Variants in PPARGC1A observed in about 807,000 individuals in gnomAD.
PPARGC1A encodes the protein PPARG coactivator 1 alpha, also known as peroxisome proliferator-activated receptor gamma coactivator 1-alpha.
A neutral mutation model predicts 88.7 loss-of-function variants in PPARGC1A; 25 were observed. The observed-to-expected ratio is 0.28, with a 90% CI of 0.21 to 0.39. PPARGC1A has a LOEUF of 0.39. Among genes scored for constraint, PPARGC1A ranks in the 10% least tolerant of loss-of-function variants. The pLI is 1.00. For synonymous variants in PPARGC1A, 363 were observed against 355.6 expected, an observed-to-expected ratio of 1.02 and a Z score of -0.24; for missense variants, 880 against 968.7, an observed-to-expected ratio of 0.91 and a Z score of 1.22.
the PPARGC1A span, among the ~76,000 whole-genome samples, chr4:24,101,491 AGAAAT>A: frequency 6.6e-6 from 1 of 152,264 alleles, no homozygotes; most frequent in African/African-American, 2.4e-5. Context: ...CTCCACATGA[AGAAAT>A]GATAAATATT....
At chr4:24,280,039 C>A in the PPARGC1A span, among the ~76,000 whole-genome samples, 1 of 152,152 alleles carries the variant, frequency 6.6e-6, no homozygotes, top group East Asian at 1.9e-4. Context: ...AACAATGCCC[C>A]ACACATCCCG....
the PPARGC1A span, among the ~76,000 whole-genome samples, chr4:23,973,965 A>G: frequency 6.6e-6 from 1 of 151,844 alleles, no homozygotes; most frequent in Non-Finnish European, 1.5e-5. Flanking sequence ...AAAAAATAAA[A>G]AATAATTAAA....
the PPARGC1A span, among the ~76,000 whole-genome samples, chr4:24,252,734 C>T: frequency 6.6e-6 from 1 of 152,196 alleles, no homozygotes; most frequent in Non-Finnish European, 1.5e-5. Context: ...CCCTGGGCTT[C>T]CATAGAGAAC....
the PPARGC1A span, among the ~76,000 whole-genome samples, chr4:24,088,328 C>G: frequency 1.3e-5 from 2 of 151,528 alleles, no homozygotes; most frequent in African/African-American, 4.9e-5. Context: ...GCACTCCAGC[C>G]TGGGAGACAG....
the PPARGC1A span, among the ~76,000 whole-genome samples, chr4:23,958,719 A>G: frequency 6.6e-6 from 1 of 152,076 alleles, no homozygotes; most frequent in Middle Eastern, 3.2e-3. Context: ...ATTTATAGTA[A>G]AATTATCTCT....
chr4:24,361,659 G>GA, the PPARGC1A span, among the ~76,000 whole-genome samples: 2 of 152,148 alleles, frequency 1.3e-5, no homozygotes, highest in South Asian at 2.1e-4. Flanking sequence ...AACTCAACAG[G>GA]AAAAATCTAG....
chr4:24,442,519 T>A, the PPARGC1A span, among the ~76,000 whole-genome samples: 1 of 152,364 alleles, frequency 6.6e-6, no homozygotes, highest in East Asian at 1.9e-4. Context: ...CCTATGTTCA[T>A]AAATAACAGT....
At chr4:24,436,877 T>TGACAGCG in the PPARGC1A span, among the ~76,000 whole-genome samples, 6 of 93,356 alleles carry the variant, frequency 6.4e-5, no homozygotes, top group South Asian at 3.7e-4. Flanking sequence ...AGCTAATATC[T>TGACAGCG]ATTGGCCACC....
chr4:24,165,849 A>G, the PPARGC1A span, among the ~76,000 whole-genome samples: 1 of 152,166 alleles, frequency 6.6e-6, no homozygotes, highest in Admixed American at 6.6e-5. Context: ...TCCCTGAGAC[A>G]CACAATATTA....
At chr4:24,023,940 T>C in the PPARGC1A span, among the ~76,000 whole-genome samples, 1 of 152,224 alleles carries the variant, frequency 6.6e-6, no homozygotes, top group African/African-American at 2.4e-5. Context: ...AAAGCTTCTT[T>C]GAGGAACTCA....
chr4:24,142,500 C>T, the PPARGC1A span, among the ~76,000 whole-genome samples: 1 of 151,764 alleles, frequency 6.6e-6, no homozygotes, highest in African/African-American at 2.4e-5. Context: ...ATGGTGAAAC[C>T]CTGTCTCCAC....
At chr4:23,997,987 G>T in the PPARGC1A span, among the ~76,000 whole-genome samples, 3 of 152,232 alleles carry the variant, frequency 2.0e-5, no homozygotes, top group South Asian at 4.2e-4. Context: ...CATAATGTAG[G>T]ATTCATTAAG....
the PPARGC1A span, among the ~76,000 whole-genome samples, chr4:23,980,637 A>G: frequency 6.6e-6 from 1 of 152,194 alleles, no homozygotes; most frequent in Non-Finnish European, 1.5e-5. Context: ...CTAAGCAACC[A>G]GGAGCAATGC....
At chr4:24,370,555 T>C in the PPARGC1A span, among the ~76,000 whole-genome samples, 1 of 152,064 alleles carries the variant, frequency 6.6e-6, no homozygotes, top group Admixed American at 6.6e-5. Flanking sequence ...TATAACAATT[T>C]GACTCTCCAC....
At chr4:24,319,830 T>C in the PPARGC1A span, among the ~76,000 whole-genome samples, 5 of 152,368 alleles carry the variant, frequency 3.3e-5, no homozygotes, top group Middle Eastern at 3.4e-3. Flanking sequence ...AAGAGGGATA[T>C]GTTACCTTTC....
At chr4:24,038,232 G>A in the PPARGC1A span, among the ~76,000 whole-genome samples, 2 of 152,188 alleles carry the variant, frequency 1.3e-5, no homozygotes, top group Admixed American at 1.3e-4. Flanking sequence ...ATAACTCTGC[G>A]ACTCAGGATT....
the PPARGC1A span, among the ~76,000 whole-genome samples, chr4:24,349,629 G>A: frequency 2.0e-5 from 3 of 152,090 alleles, no homozygotes; most frequent in South Asian, 4.2e-4. Flanking sequence ...GCAAACTGAA[G>A]GGCCAGTCTC....
the PPARGC1A span, among the ~76,000 whole-genome samples, chr4:23,957,992 G>A: frequency 1.3e-5 from 2 of 152,024 alleles, no homozygotes; most frequent in African/African-American, 4.8e-5. Context: ...CTACTCAGTT[G>A]CTAGGAGTCC....
the PPARGC1A span, among the ~76,000 whole-genome samples, chr4:24,307,554 C>T: frequency 3.4e-4 from 51 of 152,114 alleles, no homozygotes; most frequent in Middle Eastern, 6.8e-3. Context: ...TTAGCTATCC[C>T]CAAAATAAGA....
Sources: gnomAD v4.1 joint callset for allele counts (sites outside exome capture counted in the v4.1 genomes callset) on GRCh38, gnomAD v4.1.1 for gene constraint, MANE v1.5 for transcripts, NCBI Gene and HGNC (gene_info 2026-07-23, HGNC 2026-07-21) for gene names.